The following BRWD3 variants were observed in gnomAD, a reference collection of about 807,000 sequenced individuals.
BRWD3 encodes the protein bromodomain and WD repeat-containing protein 3.
A neutral mutation model predicts 149.7 loss-of-function variants in BRWD3; 10 were observed. That is an observed-to-expected ratio of 0.07 (90% confidence interval 0.04 to 0.11). The LOEUF (loss-of-function observed/expected upper bound fraction) is 0.11, where lower values mean the gene tolerates loss of function less well. Ranked by LOEUF, BRWD3 falls within the 10% of genes least tolerant of loss-of-function variation. The pLI, the probability that BRWD3 is intolerant of heterozygous loss-of-function variation, is 1.00. For synonymous variants in BRWD3, 504 were observed against 456.7 expected (o/e 1.10, Z -1.32); for missense variants, 940 against 1,373.2 (o/e 0.68, Z 4.99).
chrX:80,736,487 A>C (rs2073406009), intron 8 of BRWD3, among the ~76,000 whole-genome samples: 1 of 111,870 alleles, frequency 8.9e-6, no homozygotes, highest in East Asian at 2.8e-4. Flanking sequence ...TCAGATGGGC[A>C]GAGGATTAGA....
At chrX:80,709,716 A>G in intron 20 of BRWD3, 139 bp from the exon 21 acceptor site, 1 of 517,786 alleles carries the variant, frequency 1.9e-6, no homozygotes, top group Non-Finnish European at 3.1e-6. Flanking sequence ...GTCAACATAG[A>G]ACTATATTTA....
At chrX:80,685,393 C>A in intron 36 of BRWD3, 69 bp downstream of exon 36, 1 of 928,420 alleles carries the variant, frequency 1.1e-6, no homozygotes, top group Non-Finnish European at 1.6e-6. Flanking sequence ...CTATAAGATT[C>A]ATGTACAGTA....
intron 20 of BRWD3, among the ~76,000 whole-genome samples, chrX:80,712,832 C>CCGG (rs2073003482): frequency 9.4e-6 from 1 of 106,617 alleles, no homozygotes; most frequent in East Asian, 3.1e-4. Flanking sequence ...GCGTCTCTGC[C>CCGG]CAGCCGCCCC....
chrX:80,720,864 G>C (rs774106073), intron 17 of BRWD3, among the ~76,000 whole-genome samples: 1 of 111,647 alleles, frequency 9.0e-6, no homozygotes, highest in South Asian at 3.8e-4. Flanking sequence ...GATATGCTTA[G>C]ATATACAAAT....
chrX:80,772,946 A>T (rs755089711), intron 6 of BRWD3, among the ~76,000 whole-genome samples: 1 of 112,206 alleles, frequency 8.9e-6, no homozygotes, highest in Admixed American at 9.5e-5. Context: ...AACAAATAAG[A>T]TGAATGATCA....
chrX:80,680,524 G>T (rs1569243784), intron 40 of BRWD3, among the ~76,000 whole-genome samples: 2 of 111,752 alleles, frequency 1.8e-5, no homozygotes, highest in Non-Finnish European at 3.8e-5. Flanking sequence ...GAAAACCACT[G>T]ACTTTGTGAT....
intron 6 of BRWD3, among the ~76,000 whole-genome samples, chrX:80,759,712 A>G (rs1203118955): frequency 1.8e-5 from 2 of 111,857 alleles, no homozygotes; most frequent in African/African-American, 6.5e-5. Context: ...AATGGCTAAT[A>G]ATTGTTTTCT....
chrX:80,789,446 G>A (rs2074152538), intron 6 of BRWD3, among the ~76,000 whole-genome samples: 1 of 111,688 alleles, frequency 9.0e-6, no homozygotes, highest in South Asian at 3.8e-4. Context: ...CGCGATCTCG[G>A]TTCACTGCAA....
At chrX:80,681,791 C>A (rs908108237) in intron 39 of BRWD3, among the ~76,000 whole-genome samples, 1 of 111,450 alleles carries the variant, frequency 9.0e-6, no homozygotes. Flanking sequence ...AGAGACTTTT[C>A]ATGTAGTCTA....
chrX:80,709,708 C>A, intron 20 of BRWD3, 131 bp from the exon 21 acceptor site: 1 of 529,410 alleles, frequency 1.9e-6, no homozygotes, highest in South Asian at 3.2e-5. Flanking sequence ...AAAATAAAGT[C>A]AACATAGAAC....
At chrX:80,772,181 C>A (rs755179715) in intron 6 of BRWD3, among the ~76,000 whole-genome samples, 1 of 111,717 alleles carries the variant, frequency 9.0e-6, no homozygotes. Context: ...ATGTTTATTG[C>A]GGCACTATTC....
At position 80,670,802 on chromosome X, in the gene BRWD3, C is replaced by A. The variant is rs1016869734; in HGVS notation, c.*5807G>T. 9 of 111,157 alleles carry A rather than the reference C, an allele frequency of 8.1e-5. No individual in the cohort carries two copies. The highest frequency in any genetic ancestry group is 2.9e-4 in the African/African-American group (9 of 30,585). 9.2% of individuals were successfully genotyped at this position (111,157 alleles called of 1,213,427 possible). A position where few individuals can be genotyped will look rare whatever the true frequency, so the allele number is the denominator to read the frequency against. ...CAATTAAGCAACTAAACAAAAATAC[C>A]AAACAACTTATCTCCACTTCAATCT... On this transcript the variant is annotated 3_prime_UTR_variant, in exon 41 of 41. Coordinates refer to ENST00000373275, the MANE Select transcript of BRWD3 (RefSeq NM_153252.5).
At chrX:80,723,942 TCTC>T in intron 15 of BRWD3, 66 bp from the exon 16 acceptor site, 1 of 1,102,227 alleles carries the variant, frequency 9.1e-7, no homozygotes. Context: ...GGCGGTAACT[TCTC>T]CTTGTTAATA....
chrX:80,679,437 A>AT (rs756329396), intron 40 of BRWD3, among the ~76,000 whole-genome samples: 1,688 of 111,953 alleles, frequency 0.015, 13 homozygotes, highest in Non-Finnish European at 0.022. Context: ...GAATATTTTT[A>AT]TTTTTTTATT....
intron 37 of BRWD3, 70 bp from the exon 38 acceptor site, chrX:80,682,698 C>A: frequency 9.8e-7 from 1 of 1,019,204 alleles, no homozygotes; most frequent in Non-Finnish European, 1.3e-6. Context: ...CATGCCTAGA[C>A]CAATATTAAG....
intron 6 of BRWD3, among the ~76,000 whole-genome samples, 162 bp from the exon 7 acceptor site, chrX:80,745,891 C>G (rs190139070): frequency 1.8e-5 from 2 of 110,933 alleles, no homozygotes; most frequent in Non-Finnish European, 3.8e-5. Context: ...TTTATGAACT[C>G]CAGTTTACTA....
chrX:80,713,271 T>C (rs1222137374), intron 20 of BRWD3, among the ~76,000 whole-genome samples: 3 of 111,497 alleles, frequency 2.7e-5, no homozygotes, highest in African/African-American at 6.5e-5. Context: ...GGGGAAAAGA[T>C]TGAGAAATCG....
At chrX:80,697,334 C>T (rs1209237447) in intron 25 of BRWD3, among the ~76,000 whole-genome samples, 1 of 110,945 alleles carries the variant, frequency 9.0e-6, no homozygotes, top group Non-Finnish European at 1.9e-5. Flanking sequence ...TTTTGTTTTA[C>T]TTCAGATTCA....
chrX:80,738,939 C>T lies in BRWD3; in HGVS notation c.814-2851G>A, dbSNP rs184111699. Among the ~76,000 whole-genome samples, 23 of 111,867 alleles carry T rather than the reference C, an allele frequency of 2.1e-4. No homozygotes were observed. In the East Asian group the frequency reaches 6.2e-3, roughly 30 times the overall value. Reference sequence around the variant, plus strand: ...GCACTGTGAGTCACTGTGAAGACTTCAGCTTTAACTCTGAGATTGGAAGCT... The same window carrying T: ...GCACTGTGAGTCACTGTGAAGACTTTAGCTTTAACTCTGAGATTGGAAGCT... On this transcript the variant is annotated intron_variant, in intron 8 of 40. Transcript: ENST00000373275.
Sources: allele counts gnomAD v4.1 joint callset (sites outside exome capture counted in the v4.1 genomes callset), GRCh38; gene constraint gnomAD v4.1.1; transcripts MANE v1.5; gene names NCBI Gene and HGNC (gene_info 2026-07-23, HGNC 2026-07-21).